The following GMDS variants were observed in gnomAD, a reference collection of about 807,000 sequenced individuals.
GMDS encodes the protein GDP-mannose 4,6-dehydratase, also known as GDP-mannose 4,6 dehydratase.
In GMDS, 20 loss-of-function variants were observed where a neutral mutation model predicts 49.9. That is an observed-to-expected ratio of 0.40 (90% CI 0.28 to 0.58). The LOEUF (loss-of-function observed/expected upper bound fraction) is 0.58. Ranked by LOEUF, GMDS falls within the 20% of genes least tolerant of loss-of-function variation. GMDS has a pLI of 0.42. For missense variants in GMDS, 362 were observed against 481.4 expected (o/e 0.75, Z 2.32); for synonymous variants, 177 against 178.6 (o/e 0.99, Z 0.07).
chr6:2,066,835 G>C (rs1771630562), intron 4 of GMDS, among the ~76,000 whole-genome samples: 1 of 151,698 alleles, frequency 6.6e-6, no homozygotes, highest in South Asian at 2.1e-4. Flanking sequence ...ACACCCCACT[G>C]TCAACATTAG....
intron 1 of GMDS, 56 bp downstream of exon 1, chr6:2,245,265 G>T: frequency 8.5e-7 from 1 of 1,174,360 alleles, no homozygotes; most frequent in Non-Finnish European, 1.2e-6. Context: ...CGGCGCGTAG[G>T]GAGAGCACGC....
intron 9 of GMDS, chr6:1,679,115 AC>A: frequency 6.6e-6 from 1 of 152,356 alleles, no homozygotes; most frequent in East Asian, 1.9e-4. Context: ...ACAATGGAAG[AC>A]ATCACTGTGC....
intron 9 of GMDS, among the ~76,000 whole-genome samples, chr6:1,683,646 C>T (rs570508491): frequency 1.7e-4 from 26 of 152,248 alleles, no homozygotes; most frequent in African/African-American, 5.3e-4. Flanking sequence ...ACACGATACA[C>T]GCATTTGGGG....
In GMDS at chr6:2,227,376, A is replaced by G. The variant is rs142974172; in HGVS notation, c.102+17945T>C. Among the ~76,000 whole-genome samples, 832 of 152,292 alleles carry G rather than the reference A, an allele frequency of 5.5e-3. 2 individuals are homozygous for G. Among genetic ancestry groups the G allele is most frequent in the Middle Eastern group, 0.017 (5 of 294 alleles). ...GCATAGAAGAGCCAAGAGTTATTCA[A>G]CCTGCCCAAGTAATTCTATTACACC... On this transcript the variant is annotated intron_variant, in intron 1 of 10. Coordinates refer to ENST00000380815, the MANE Select transcript of GMDS (RefSeq NM_001500.4).
intron 9 of GMDS, chr6:1,679,197 G>A (rs117342966): frequency 6.6e-6 from 1 of 152,344 alleles, no homozygotes; most frequent in East Asian, 1.9e-4. Flanking sequence ...ACAGGAGACA[G>A]TTACATCTCA....
intron 8 of GMDS, among the ~76,000 whole-genome samples, chr6:1,732,771 G>A (rs1203768182): frequency 1.3e-5 from 2 of 152,146 alleles, no homozygotes; most frequent in Non-Finnish European, 2.9e-5. Context: ...CAGGGAAATG[G>A]GCAGGGAGGA....
At chr6:2,098,119 G>A (rs546916365) in intron 4 of GMDS, among the ~76,000 whole-genome samples, 40 of 152,140 alleles carry the variant, frequency 2.6e-4, no homozygotes, top group African/African-American at 8.0e-4. Flanking sequence ...GCAGTGGCAC[G>A]ATCTCGGCTC....
intron 2 of GMDS, among the ~76,000 whole-genome samples, chr6:2,123,703 C>T (rs765386833): frequency 9.2e-5 from 14 of 152,166 alleles, no homozygotes; most frequent in South Asian, 4.1e-4. Context: ...TATGGACATA[C>T]GTATACATAT....
At chr6:2,218,642 T>A (rs1240627248) in intron 1 of GMDS, among the ~76,000 whole-genome samples, 1 of 152,210 alleles carries the variant, frequency 6.6e-6, no homozygotes, top group Non-Finnish European at 1.5e-5. Context: ...TTAATTTTTA[T>A]CTTTCCCAAA....
intron 1 of GMDS, among the ~76,000 whole-genome samples, chr6:2,134,007 C>T (rs1775870562): frequency 6.6e-6 from 1 of 152,122 alleles, no homozygotes. Context: ...TTGTGTATTT[C>T]GGTTCTGCCA....
chr6:2,032,180 T>C (rs1466704483), intron 4 of GMDS, among the ~76,000 whole-genome samples: 2 of 152,196 alleles, frequency 1.3e-5, no homozygotes, highest in South Asian at 2.1e-4. Context: ...AGACATATAC[T>C]GTGAACTGTT....
intron 7 of GMDS, among the ~76,000 whole-genome samples, chr6:1,773,462 G>T (rs1035414434): frequency 6.6e-6 from 1 of 151,630 alleles, no homozygotes; most frequent in African/African-American, 2.4e-5. Flanking sequence ...AAAGTGGTTG[G>T]GGATGCCTGG....
intron 1 of GMDS, among the ~76,000 whole-genome samples, chr6:2,157,537 C>A (rs1393533007): frequency 1.3e-5 from 2 of 152,240 alleles, no homozygotes; most frequent in Non-Finnish European, 2.9e-5. Context: ...TATGGCTAAT[C>A]TCAGCATCCA....
intron 9 of GMDS, among the ~76,000 whole-genome samples, chr6:1,641,056 T>C (rs746841490): frequency 6.6e-6 from 1 of 152,214 alleles, no homozygotes; most frequent in Non-Finnish European, 1.5e-5. Flanking sequence ...GAAAGATCCC[T>C]GTATATATTT....
At chr6:1,785,335 A>G (rs546516732) in intron 7 of GMDS, among the ~76,000 whole-genome samples, 1 of 152,220 alleles carries the variant, frequency 6.6e-6, no homozygotes, top group South Asian at 2.1e-4. Context: ...AAAAATTCTA[A>G]CAAGTAGCAA....
At chr6:2,064,367 CA>C (rs924626939) in intron 4 of GMDS, among the ~76,000 whole-genome samples, 1 of 151,940 alleles carries the variant, frequency 6.6e-6, no homozygotes, top group Non-Finnish European at 1.5e-5. Context: ...AGAAGGTTTA[CA>C]AAAAACCGAA....
At chr6:1,913,026 A>C (rs1761149592) in intron 7 of GMDS, among the ~76,000 whole-genome samples, 1 of 152,226 alleles carries the variant, frequency 6.6e-6, no homozygotes, top group African/African-American at 2.4e-5. Flanking sequence ...TTTATTGTTA[A>C]CTTGCTCATT....
At position 2,168,966 on chromosome 6, in the gene GMDS, G is replaced by A. The variant is rs182503649; in HGVS notation, c.103-44235C>T. 2.3e-4 allele frequency among the ~76,000 whole-genome samples: 35 copies of A among 152,276 alleles called. 1 individual carries two copies. In the East Asian group the frequency reaches 4.4e-3, roughly 19 times the overall value. ...AAGATATGATTATATAACCAAGACC[G>A]TATCATGTAAATACTGAAAGTTTAA... On this transcript the variant is annotated intron_variant, in intron 1 of 10. Transcript: ENST00000380815.
chr6:1,952,208 T>C (rs1207597798), intron 6 of GMDS: 2 of 155,062 alleles, frequency 1.3e-5, no homozygotes, highest in African/African-American at 4.8e-5. Flanking sequence ...TACCTACAGG[T>C]GGATGTTAAC....
Sources: gnomAD v4.1 joint callset for allele counts (sites outside exome capture counted in the v4.1 genomes callset) on GRCh38, gnomAD v4.1.1 for gene constraint, MANE v1.5 for transcripts, NCBI Gene and HGNC (gene_info 2026-07-23, HGNC 2026-07-21) for gene names.